The following TPD52L3 variants were observed in gnomAD, a reference collection of about 807,000 sequenced individuals.
TPD52L3 encodes the protein TPD52 like 3.
TPD52L3 carries 12 observed loss-of-function variants against 8.7 expected under a neutral mutation model. The ratio of observed to expected loss-of-function variants is 1.38; its 90% CI spans 0.89 to 2.24. The LOEUF is 2.24. Among genes scored for constraint, TPD52L3 ranks in the 30% most tolerant of loss-of-function variants. The pLI, the probability that TPD52L3 is intolerant of heterozygous loss-of-function variation, is 0.00. For missense variants in TPD52L3, 207 were observed against 158.7 expected (o/e 1.30, Z -1.64); for synonymous variants, 79 against 66.8 (o/e 1.18, Z -0.89).
chr9:6,330,780 G>A, intron 1 of TPD52L3, 196 bp from the exon 2 acceptor site: 1 of 1,357,964 alleles, frequency 7.4e-7, no homozygotes. Flanking sequence ...ACAGGCAAAG[G>A]CTTTGACATA....
intron 1 of TPD52L3, chr9:6,330,481 T>C (rs1587716015): frequency 3.9e-6 from 5 of 1,283,266 alleles, no homozygotes; most frequent in Non-Finnish European, 5.0e-6. Flanking sequence ...CCTAAGAGGA[T>C]GATTCTGTTT....
At chr9:6,329,326 T>A in intron 1 of TPD52L3, 2 of 1,160,638 alleles carry the variant, frequency 1.7e-6, no homozygotes, top group Non-Finnish European at 2.1e-6. Context: ...AGAACACAGA[T>A]ATTTGCTGCT....
At chr9:6,330,023 G>A in intron 1 of TPD52L3, 1 of 1,384,816 alleles carries the variant, frequency 7.2e-7, no homozygotes, top group South Asian at 2.0e-5. Context: ...CTGAGGGGCT[G>A]GAGGAAAACA....
chr9:6,329,686 C>T (rs1443293493), intron 1 of TPD52L3: 1 of 1,001,658 alleles, frequency 1.0e-6, no homozygotes, highest in Non-Finnish European at 1.2e-6. Flanking sequence ...AAGAAAACTT[C>T]ATCTTCTCTG....
chr9:6,331,000 T>C lies in TPD52L3; in HGVS notation c.392T>C (p.Leu131Ser), dbSNP rs751926452. Residue 131 changes from leucine (L) to serine (S), a missense_variant, in exon 2 of 2, where the codon TTA (leucine) becomes TCA (serine). By Grantham distance (145) the Leu-to-Ser change is moderately radical. Transcript: ENST00000314556. ...FEGLIFNKYT[L>S]NQGRN ...GGATTGATCTTCAATAAATACACGT[T>C]AAATCAAGGAAGGAATTAACATCAT... is the stretch of plus-strand genomic sequence containing the variant. 6.8e-6 allele frequency: 11 copies of C among 1,612,870 alleles called. No homozygotes were observed. The highest frequency in any genetic ancestry group is 8.5e-6 in the Non-Finnish European group (10 of 1,179,440).
rs111761872 is a variant in TPD52L3 at position 6,331,045 on chromosome 9, T to C, written c.*26T>C. 2 of 1,603,734 alleles carry C rather than the reference T, an allele frequency of 1.2e-6. No homozygotes were observed. Among genetic ancestry groups the C allele is most frequent in the African/African-American group, 1.3e-5 (1 of 74,742 alleles). The stretch of plus-strand genomic sequence containing the variant: ...CATCATATACTTCAGACATCAAATA[T>C]GGAATCCAAGAGACTATCAACAACA... On this transcript the variant is annotated 3_prime_UTR_variant, in exon 2 of 2. Coordinates refer to ENST00000314556, the MANE Select transcript of TPD52L3 (RefSeq NM_001001874.3).
At chr9:6,329,059 G>C (rs759383240) in intron 1 of TPD52L3, 97 bp downstream of exon 1, 1 of 1,590,196 alleles carries the variant, frequency 6.3e-7, no homozygotes, top group Non-Finnish European at 8.6e-7. Context: ...TCTGCTCTCA[G>C]TTTTGGGGTG....
At chr9:6,328,999 G>A (rs1818086254) in intron 1 of TPD52L3, 37 bp downstream of exon 1, 3 of 1,613,938 alleles carry the variant, frequency 1.9e-6, no homozygotes, top group Non-Finnish European at 2.5e-6. Flanking sequence ...GTCTCAGGGG[G>A]CAAAAGAGCT....
At position 6,328,431 on chromosome 9, in the gene TPD52L3, G is replaced by C. The variant is rs938360755; in HGVS notation, c.-165G>C. On this transcript the variant is annotated 5_prime_UTR_variant, in exon 1 of 2. Coordinates refer to ENST00000314556, the MANE Select transcript of TPD52L3 (RefSeq NM_001001874.3). ...TGTCCATTGTACCAGCTGGGCCATG[G>C]ATCCCTCCCGCCTGAAATCTGACTC... 1 of 800,810 alleles carries C rather than the reference G, an allele frequency of 1.2e-6. No individual in the cohort carries two copies. The highest frequency in any genetic ancestry group is 1.7e-5 in the African/African-American group (1 of 57,898). The allele number at this position is 800,810 out of a possible 1,614,324, so 49.6% of individuals were successfully genotyped here. A position where few individuals can be genotyped will look rare whatever the true frequency, so the allele number is the denominator to read the frequency against.
At chr9:6,329,463 C>A in intron 1 of TPD52L3, 1 of 1,019,568 alleles carries the variant, frequency 9.8e-7, no homozygotes, top group Non-Finnish European at 1.2e-6. Flanking sequence ...CCAGAGGGGT[C>A]TTAGGCCAAA....
intron 1 of TPD52L3, chr9:6,329,286 A>G: frequency 8.0e-7 from 1 of 1,256,482 alleles, no homozygotes; most frequent in Non-Finnish European, 1.0e-6. Flanking sequence ...TGGTTAATTC[A>G]GGAAATTGAC....
Position 6,328,883 on chromosome 9 carries a change from T to A in TPD52L3, c.288T>A (p.Ala96=). ...SNTYVKQKTS[A]ALSTMGTLIC... The stretch of plus-strand genomic sequence containing the variant: ...CCTATGTGAAACAGAAGACATCAGC[T>A]GCTCTGTCCACCATGGGCACTCTCA... The change falls in exon 1 of 2, where the codon GCT becomes GCA. Residue 96 remains alanine, a synonymous_variant. Transcript: ENST00000314556. 1 of 1,614,196 alleles carries A rather than the reference T, an allele frequency of 6.2e-7. No individual in the cohort carries two copies. The highest frequency in any genetic ancestry group is 1.3e-5 in the African/African-American group (1 of 75,056).
At chr9:6,329,231 C>T in intron 1 of TPD52L3, 1 of 1,369,400 alleles carries the variant, frequency 7.3e-7, no homozygotes, top group Non-Finnish European at 9.5e-7. Context: ...ATTACATTTG[C>T]AACTCTGCCC....
At chr9:6,329,417 T>A in intron 1 of TPD52L3, 2 of 1,055,390 alleles carry the variant, frequency 1.9e-6, no homozygotes, top group Non-Finnish European at 1.2e-6. Context: ...TATATTAGCT[T>A]TCCTGAGACT....
chr9:6,329,305 G>A, intron 1 of TPD52L3: 3 of 1,207,400 alleles, frequency 2.5e-6, no homozygotes, highest in Non-Finnish European at 3.1e-6. Context: ...ACAGAATCCA[G>A]TTTTGAGAAA....
intron 1 of TPD52L3, chr9:6,330,017 G>C: frequency 1.5e-6 from 2 of 1,366,312 alleles, no homozygotes; most frequent in East Asian, 2.7e-5. Context: ...CTCCAGCTGA[G>C]GGGCTGGAGG....
intron 1 of TPD52L3, chr9:6,329,958 TAAA>T: frequency 7.6e-7 from 1 of 1,320,244 alleles, no homozygotes; most frequent in Middle Eastern, 2.4e-4. Flanking sequence ...GCACTTCACT[TAAA>T]AGGAAGAAAT....
Position 6,328,423 on chromosome 9 carries a change from G to GTATCA in TPD52L3, c.-173_-172insTATCA. On this transcript the variant is annotated 5_prime_UTR_variant, in exon 1 of 2. Coordinates refer to ENST00000314556, the MANE Select transcript of TPD52L3 (RefSeq NM_001001874.3). ...TGTCAAGGTGTCCATTGTACCAGCT[G>GTATCA]GGCCATGGATCCCTCCCGCCTGAAA... is the stretch of plus-strand genomic sequence containing the variant. 4.2e-6 allele frequency: 3 copies of GTATCA among 721,578 alleles called. No homozygotes were observed. The South Asian group carries it at 5.5e-5, about 13-fold the overall frequency. 44.7% of individuals were successfully genotyped at this position (721,578 alleles called of 1,614,324 possible).
chr9:6,330,545 C>T (rs956799732), intron 1 of TPD52L3: 1 of 1,196,588 alleles, frequency 8.4e-7, no homozygotes, highest in Non-Finnish European at 1.0e-6. Context: ...ATAAGCAAAA[C>T]CAAATACCAC....
Sources: allele counts gnomAD v4.1 joint callset, GRCh38; gene constraint gnomAD v4.1.1; transcripts MANE v1.5; gene names NCBI Gene and HGNC (gene_info 2026-07-23, HGNC 2026-07-21).